The following NDUFA10 variants were observed in gnomAD, a reference collection of about 807,000 sequenced individuals.
NDUFA10 encodes NADH dehydrogenase [ubiquinone] 1 alpha subcomplex subunit 10, mitochondrial.
NDUFA10 carries 40 observed loss-of-function variants against 47.8 expected under a neutral mutation model. The ratio of observed to expected loss-of-function variants is 0.84; its 90% CI spans 0.65 to 1.09. The LOEUF is 1.09. Ranked by LOEUF, NDUFA10 falls within the 50% of genes least tolerant of loss-of-function variation. The pLI is 0.00. For missense variants in NDUFA10, 413 were observed against 451.1 expected, an observed-to-expected ratio of 0.92 and a Z score of 0.76; for synonymous variants, 183 against 172.2, an observed-to-expected ratio of 1.06 and a Z score of -0.49.
At chr2:239,892,850 G>A (rs1413432763) in intron 5 of NDUFA10, 1 of 152,272 alleles carries the variant, frequency 6.6e-6, no homozygotes, top group Non-Finnish European at 1.5e-5. Flanking sequence ...GTTTATCCCA[G>A]GAGGAATTGG....
chr2:239,990,029 G>A (rs561645519), intron 9 of NDUFA10, 45 bp downstream of exon 9: 4 of 1,383,868 alleles, frequency 2.9e-6, no homozygotes, highest in South Asian at 2.3e-5. Flanking sequence ...CCCAGGTGCT[G>A]CAGACTCATC....
At chr2:239,968,484 A>G (rs1029441884) in intron 9 of NDUFA10, among the ~76,000 whole-genome samples, 2 of 152,230 alleles carry the variant, frequency 1.3e-5, no homozygotes, top group Admixed American at 6.5e-5. Context: ...CAGGCCAAGT[A>G]GTAGTCAACA....
chr2:240,007,167 A>G, intron 7 of NDUFA10, 149 bp downstream of exon 7: 1 of 674,860 alleles, frequency 1.5e-6, no homozygotes, highest in Non-Finnish European at 2.7e-6. Flanking sequence ...GGGGAGTGTG[A>G]TGATGGGTTT....
chr2:239,989,952 C>A (rs1233523568), intron 9 of NDUFA10, 122 bp downstream of exon 9: 1 of 769,348 alleles, frequency 1.3e-6, no homozygotes, highest in Non-Finnish European at 2.3e-6. Context: ...AAAAGAGGCT[C>A]CTTCACTAAA....
intron 9 of NDUFA10, chr2:239,982,218 A>C (rs1695806601): frequency 4.3e-6 from 7 of 1,612,872 alleles, no homozygotes; most frequent in Non-Finnish European, 5.9e-6. Context: ...GGGGATCCCC[A>C]GCTACAAGGT....
intron 9 of NDUFA10, among the ~76,000 whole-genome samples, chr2:239,974,301 T>C (rs1380960285): frequency 6.6e-6 from 1 of 152,186 alleles, no homozygotes; most frequent in Non-Finnish European, 1.5e-5. Flanking sequence ...GCCTAGAGTG[T>C]GGACAGGTGC....
chr2:239,960,831 G>C lies in NDUFA10; in HGVS notation c.*287C>G. On this transcript the variant is annotated 3_prime_UTR_variant, in exon 10 of 10. Transcript: ENST00000252711. Reference sequence around the variant, plus strand: ...GAGCGGCAGCGCTGAAACCACAGGGGCTGCCGAGAGCTGGCCTTTCACAGC... The same window carrying C: ...GAGCGGCAGCGCTGAAACCACAGGGCCTGCCGAGAGCTGGCCTTTCACAGC... 3 of 1,332,038 alleles carry C rather than the reference G, an allele frequency of 2.3e-6. No individual in the cohort carries two copies. Among genetic ancestry groups the C allele is most frequent in the Non-Finnish European group, 2.9e-6 (3 of 1,032,178 alleles). The allele number at this position is 1,332,038 out of a possible 1,614,324, so 82.5% of individuals were successfully genotyped here.
chr2:239,935,353 G>A (rs74002025), intron 4 of NDUFA10, among the ~76,000 whole-genome samples: 21,321 of 152,246 alleles, frequency 0.14, 1,586 homozygotes, highest in South Asian at 0.18. Context: ...GATGGTGACC[G>A]GTGCCACTGG....
chr2:239,982,378 G>A (rs768253757), intron 9 of NDUFA10, among the ~76,000 whole-genome samples: 3 of 152,178 alleles, frequency 2.0e-5, no homozygotes, highest in Non-Finnish European at 4.4e-5. Flanking sequence ...TTCTTCTAAC[G>A]TGTAATTATA....
chr2:239,956,741 C>G (rs761748959), downstream of NDUFA10, among the ~76,000 whole-genome samples: 3 of 152,124 alleles, frequency 2.0e-5, no homozygotes, highest in Admixed American at 6.5e-5. Flanking sequence ...CAAACGCGCT[C>G]GTTCTGGTGG....
intron 4 of NDUFA10, among the ~76,000 whole-genome samples, chr2:239,950,977 T>C (rs984490459): frequency 6.6e-6 from 1 of 152,206 alleles, no homozygotes; most frequent in Non-Finnish European, 1.5e-5. Flanking sequence ...TCCAGTACGT[T>C]CCGCTTCAGC....
At chr2:239,978,374 C>T (rs898690258) in intron 9 of NDUFA10, among the ~76,000 whole-genome samples, 2 of 152,200 alleles carry the variant, frequency 1.3e-5, no homozygotes, top group East Asian at 3.9e-4. Context: ...TTCACCACCC[C>T]TGACCTTCCT....
intron 4 of NDUFA10, among the ~76,000 whole-genome samples, chr2:239,913,132 C>T (rs1693782847): frequency 6.6e-6 from 1 of 152,230 alleles, no homozygotes; most frequent in Non-Finnish European, 1.5e-5. Context: ...AATCATTAAG[C>T]TGACCAATCC....
At chr2:239,901,223 A>G (rs1693543144) in intron 4 of NDUFA10, among the ~76,000 whole-genome samples, 1 of 152,122 alleles carries the variant, frequency 6.6e-6, no homozygotes, top group Non-Finnish European at 1.5e-5. Flanking sequence ...TGAAACAACA[A>G]TGGCTGGGTG....
At chr2:239,931,410 G>A (rs534481889) in intron 4 of NDUFA10, among the ~76,000 whole-genome samples, 3 of 152,362 alleles carry the variant, frequency 2.0e-5, no homozygotes, top group East Asian at 1.9e-4. Flanking sequence ...GCTCATCTCA[G>A]TATCCTTAAC....
At chr2:239,911,407 G>GA (rs1290430283) in intron 4 of NDUFA10, among the ~76,000 whole-genome samples, 5 of 152,264 alleles carry the variant, frequency 3.3e-5, no homozygotes, top group Non-Finnish European at 1.5e-5. Flanking sequence ...AACCCTGGGG[G>GA]ACTGGGGCAT....
chr2:239,907,846 T>C (rs895106678), intron 4 of NDUFA10, among the ~76,000 whole-genome samples: 1 of 152,182 alleles, frequency 6.6e-6, no homozygotes, highest in African/African-American at 2.4e-5. Flanking sequence ...TGGCAATTCC[T>C]CAAGGATCTA....
intron 9 of NDUFA10, chr2:239,983,394 T>A: frequency 2.1e-6 from 3 of 1,414,926 alleles, no homozygotes; most frequent in Non-Finnish European, 2.8e-6. Flanking sequence ...CAAAAGGAAT[T>A]CTATGAATTT....
chr2:239,952,313 G>A (rs1293659670), intron 4 of NDUFA10, among the ~76,000 whole-genome samples: 3 of 151,934 alleles, frequency 2.0e-5, no homozygotes, highest in Non-Finnish European at 4.4e-5. Context: ...GGGGGCCCAG[G>A]AGAAAGGAGC....
Sources: allele counts gnomAD v4.1 joint callset (sites outside exome capture counted in the v4.1 genomes callset), GRCh38; gene constraint gnomAD v4.1.1; transcripts MANE v1.5; gene names NCBI Gene and HGNC (gene_info 2026-07-23, HGNC 2026-07-21).